TENT5D: variants seen among roughly 807,000 people sequenced by gnomAD.
TENT5D encodes the protein terminal nucleotidyltransferase 5D, also known as cancer/testis antigen 112.
For synonymous variants in TENT5D, 103 were observed against 100.6 expected (o/e 1.02, Z -0.15); for missense variants, 191 against 287.0 (o/e 0.67, Z 2.42).
upstream of TENT5D, among the ~76,000 whole-genome samples, chrX:80,415,798 G>A (rs184513824): frequency 8.9e-6 from 1 of 111,733 alleles, no homozygotes; most frequent in African/African-American, 3.2e-5. Context: ...TCAAGATCTT[G>A]TTGGCCTCAT....
chrX:80,346,119 C>T (rs906652623), intron 3 of TENT5D, among the ~76,000 whole-genome samples: 2 of 112,034 alleles, frequency 1.8e-5, no homozygotes, highest in African/African-American at 6.5e-5. Context: ...TGGAATCATA[C>T]AGCATGTAAT....
At chrX:80,350,531 C>G (rs933209692) in intron 3 of TENT5D, among the ~76,000 whole-genome samples, 7 of 110,999 alleles carry the variant, frequency 6.3e-5, no homozygotes, top group African/African-American at 2.3e-4. Context: ...TTATTTTGAG[C>G]CTATCTGTGT....
intron 2 of TENT5D, among the ~76,000 whole-genome samples, chrX:80,338,557 C>T (rs907489742): frequency 7.1e-5 from 8 of 112,055 alleles, no homozygotes; most frequent in African/African-American, 2.6e-4. Flanking sequence ...CAGTGTATTA[C>T]AGAGAACAAA....
intron 3 of TENT5D, among the ~76,000 whole-genome samples, chrX:80,405,682 C>T (rs1372932858): frequency 2.7e-5 from 3 of 110,097 alleles, no homozygotes; most frequent in African/African-American, 6.7e-5. Flanking sequence ...GGAGGAGGGG[C>T]GCCCACCATT....
intron 3 of TENT5D, among the ~76,000 whole-genome samples, chrX:80,352,629 G>A (rs1242126965): frequency 3.8e-5 from 4 of 106,082 alleles, no homozygotes; most frequent in East Asian, 3.0e-4. Context: ...ACGAGACCAC[G>A]TGGCTCCCTG....
At chrX:80,369,331 A>T (rs1465155814) in intron 3 of TENT5D, among the ~76,000 whole-genome samples, 4 of 112,280 alleles carry the variant, frequency 3.6e-5, no homozygotes, top group African/African-American at 1.3e-4. Flanking sequence ...CAAAATAAAA[A>T]TCCAAATGTA....
At chrX:80,425,517 G>C (rs2147561799) in intron 1 of TENT5D, among the ~76,000 whole-genome samples, 1 of 112,195 alleles carries the variant, frequency 8.9e-6, no homozygotes, top group Admixed American at 9.5e-5. Context: ...AAGTTTTACA[G>C]CTGAGTTTAA....
chrX:80,365,297 C>CT (rs1026948787), intron 3 of TENT5D, among the ~76,000 whole-genome samples: 20 of 110,982 alleles, frequency 1.8e-4, no homozygotes, highest in Admixed American at 1.9e-4. Context: ...TTTCAAAGTA[C>CT]TTTTTTTATT....
At chrX:80,408,954 C>T (rs1448486231) in intron 3 of TENT5D, among the ~76,000 whole-genome samples, 1 of 111,121 alleles carries the variant, frequency 9.0e-6, no homozygotes, top group African/African-American at 3.3e-5. Flanking sequence ...ATACGCAAAT[C>T]AATAAACGTA....
At chrX:80,426,877 TG>T (rs1931997695) in intron 1 of TENT5D, among the ~76,000 whole-genome samples, 1 of 111,914 alleles carries the variant, frequency 8.9e-6, no homozygotes, top group African/African-American at 3.2e-5. Flanking sequence ...GTTGTGGAAG[TG>T]ACCCAGGGAG....
chrX:80,402,377 T>C (rs1256635166), intron 3 of TENT5D, among the ~76,000 whole-genome samples: 1 of 112,138 alleles, frequency 8.9e-6, no homozygotes, highest in African/African-American at 3.2e-5. Context: ...TCTTGTATTA[T>C]TTTTCTAGTT....
At chrX:80,340,728 G>A (rs983807724) in intron 2 of TENT5D, among the ~76,000 whole-genome samples, 9 of 111,425 alleles carry the variant, frequency 8.1e-5, no homozygotes, top group Non-Finnish European at 1.7e-4. Context: ...CAGCATCTCT[G>A]ACCTCTACTG....
exon 2 of TENT5D, chrX:80,438,708 C>G (rs1489997711): frequency 9.1e-6 from 1 of 110,420 alleles, no homozygotes; most frequent in Non-Finnish European, 1.9e-5. Context: ...AACTATATTG[C>G]ATTCTTGAAA....
At chrX:80,358,512 T>C (rs1252898103) in intron 3 of TENT5D, among the ~76,000 whole-genome samples, 1 of 112,505 alleles carries the variant, frequency 8.9e-6, no homozygotes, top group Non-Finnish European at 1.9e-5. Context: ...TCACAAAGAA[T>C]ACACATATTT....
chrX:80,366,240 T>TG (rs1556047332), intron 3 of TENT5D, among the ~76,000 whole-genome samples: 1 of 109,216 alleles, frequency 9.2e-6, no homozygotes, highest in Non-Finnish European at 1.9e-5. Flanking sequence ...TGTGTGTGTG[T>TG]TCCATATGGA....
intron 3 of TENT5D, among the ~76,000 whole-genome samples, chrX:80,411,787 T>G (rs1329889323): frequency 8.9e-6 from 1 of 112,432 alleles, no homozygotes; most frequent in East Asian, 2.8e-4. Context: ...CTACAAGCAT[T>G]TATTCCATTA....
chrX:80,369,437 A>T (rs2147525567), intron 3 of TENT5D, among the ~76,000 whole-genome samples: 1 of 112,082 alleles, frequency 8.9e-6, no homozygotes, highest in Non-Finnish European at 1.9e-5. Flanking sequence ...TTTGAAAAAT[A>T]CAACAGTGAA....
intron 3 of TENT5D, among the ~76,000 whole-genome samples, chrX:80,397,939 C>T (rs1203669877): frequency 2.7e-5 from 3 of 109,807 alleles, no homozygotes; most frequent in Non-Finnish European, 5.7e-5. Flanking sequence ...GAGACGGAGA[C>T]CGTGGGAGAG....
At chrX:80,386,000 T>G (rs1256960547) in intron 3 of TENT5D, among the ~76,000 whole-genome samples, 2 of 112,249 alleles carry the variant, frequency 1.8e-5, no homozygotes, top group African/African-American at 6.5e-5. Flanking sequence ...TCAACCATTG[T>G]GGAAGTCAGT....
Sources: allele counts gnomAD v4.1 joint callset (sites outside exome capture counted in the v4.1 genomes callset), GRCh38; gene constraint gnomAD v4.1.1; transcripts MANE v1.5; gene names NCBI Gene and HGNC (gene_info 2026-07-23, HGNC 2026-07-21).